Variants in GSDMC observed in about 807,000 individuals in gnomAD.
GSDMC encodes the protein gasdermin C, also known as gasdermin-C.
In GSDMC, 59 loss-of-function variants were observed where a neutral mutation model predicts 58.0. That is an observed-to-expected ratio of 1.02 (90% CI 0.82 to 1.26). The LOEUF (loss-of-function observed/expected upper bound fraction) is 1.26. Ranked by LOEUF, GSDMC falls within the 50% of genes most tolerant of loss-of-function variation. GSDMC has a pLI of 0.00. For synonymous variants in GSDMC, 241 were observed against 220.2 expected (o/e 1.09, Z -0.83); for missense variants, 659 against 598.5 (o/e 1.10, Z -1.06).
At chr8:129,753,404 G>A (rs1195807176) in intron 6 of GSDMC, among the ~76,000 whole-genome samples, 8 of 152,146 alleles carry the variant, frequency 5.3e-5, no homozygotes, top group Admixed American at 2.0e-4. Flanking sequence ...GGTGAAAAGG[G>A]AACCTACTGC....
At chr8:129,722,142 A>C in the GSDMC span, among the ~76,000 whole-genome samples, 1 of 152,214 alleles carries the variant, frequency 6.6e-6, no homozygotes, top group Non-Finnish European at 1.5e-5. Context: ...TTGCAAATTA[A>C]TCTTAAAGAT....
chr8:129,749,976 T>C lies in GSDMC; in HGVS notation c.1213+14A>G, dbSNP rs1306042864. 6.4e-7 allele frequency: 1 copy of C among 1,573,502 alleles called. No homozygotes were observed. Among genetic ancestry groups the C allele is most frequent in the South Asian group, 1.2e-5 (1 of 83,048 alleles). ...TCTTGTGATTCTCCCATTCTTCCCT[T>C]TAATTACTCTTACCCATTATGGCTT... On this transcript the variant is annotated intron_variant, in intron 12 of 13. Transcript: ENST00000276708.
chr8:129,737,372 G>A, the GSDMC span, among the ~76,000 whole-genome samples: 4 of 152,090 alleles, frequency 2.6e-5, no homozygotes, highest in South Asian at 2.1e-4. Flanking sequence ...GAAGCATCAC[G>A]CTACCTGACT....
chr8:129,729,033 G>T, the GSDMC span: 1 of 647,050 alleles, frequency 1.5e-6, no homozygotes, highest in South Asian at 1.5e-5. Context: ...AAGGAAATGT[G>T]CAGAGAATGA....
At chr8:129,772,471 G>A (rs1272077341) in intron 3 of GSDMC, among the ~76,000 whole-genome samples, 1 of 151,978 alleles carries the variant, frequency 6.6e-6, no homozygotes, top group African/African-American at 2.4e-5. Context: ...AAATAAAAAA[G>A]ATCATGAGAG....
At chr8:129,768,877 C>CAAA (rs2033955645) in intron 3 of GSDMC, among the ~76,000 whole-genome samples, 1 of 152,068 alleles carries the variant, frequency 6.6e-6, no homozygotes. Flanking sequence ...TCCAGGAGTT[C>CAAA]AAAACCAGTC....
At chr8:129,774,529 A>C (rs544641656) in intron 3 of GSDMC, among the ~76,000 whole-genome samples, 1 of 98,288 alleles carries the variant, frequency 1.0e-5, no homozygotes, top group Admixed American at 1.1e-4. Context: ...CAACAGCAGC[A>C]AAAAAAAAAA....
the GSDMC span, among the ~76,000 whole-genome samples, chr8:129,736,302 GT>G: frequency 6.6e-6 from 1 of 152,102 alleles, no homozygotes; most frequent in Non-Finnish European, 1.5e-5. Flanking sequence ...GGCCAGCATC[GT>G]TCTGATACCA....
At chr8:129,755,960 G>GA (rs977800984) in intron 6 of GSDMC, among the ~76,000 whole-genome samples, 3 of 149,276 alleles carry the variant, frequency 2.0e-5, no homozygotes, top group African/African-American at 7.4e-5. Flanking sequence ...AAGAAGGCCA[G>GA]AAAACAATAA....
chr8:129,714,034 T>C, the GSDMC span, among the ~76,000 whole-genome samples: 1 of 152,094 alleles, frequency 6.6e-6, no homozygotes, highest in Admixed American at 6.5e-5. Flanking sequence ...CAAACACTAC[T>C]CATCTCAGCT....
chr8:129,755,478 C>T (rs563807736), intron 6 of GSDMC, among the ~76,000 whole-genome samples: 20 of 152,080 alleles, frequency 1.3e-4, no homozygotes, highest in Non-Finnish European at 2.4e-4. Context: ...AAAGGGAGTT[C>T]TTCAGTCTGA....
intron 1 of GSDMC, among the ~76,000 whole-genome samples, chr8:129,780,957 G>A (rs1408208195): frequency 1.3e-5 from 2 of 152,100 alleles, no homozygotes; most frequent in Non-Finnish European, 2.9e-5. Context: ...TGCAATCACT[G>A]TTGTCATCTA....
chr8:129,779,540 T>G (rs1047834123), intron 1 of GSDMC, among the ~76,000 whole-genome samples: 26 of 151,658 alleles, frequency 1.7e-4, no homozygotes, highest in African/African-American at 6.3e-4. Flanking sequence ...ATAAAATAAT[T>G]TATGCAACAA....
downstream of GSDMC, among the ~76,000 whole-genome samples, chr8:129,744,903 T>C (rs2032930477): frequency 6.6e-6 from 1 of 152,218 alleles, no homozygotes; most frequent in Non-Finnish European, 1.5e-5. Context: ...ATATTGGAAG[T>C]CAATATTTTG....
intron 1 of GSDMC, among the ~76,000 whole-genome samples, chr8:129,782,308 G>C (rs985894683): frequency 4.6e-5 from 7 of 151,954 alleles, no homozygotes; most frequent in African/African-American, 1.7e-4. Context: ...TAAAGAACTA[G>C]AAAACCAAGA....
chr8:129,753,486 C>T (rs1041468654), intron 6 of GSDMC, among the ~76,000 whole-genome samples: 5 of 152,184 alleles, frequency 3.3e-5, no homozygotes, highest in African/African-American at 1.2e-4. Flanking sequence ...CCCTAAATAA[C>T]CAGCAGCAGT....
At chr8:129,737,724 G>A in the GSDMC span, among the ~76,000 whole-genome samples, 15 of 152,226 alleles carry the variant, frequency 9.9e-5, no homozygotes, top group South Asian at 3.1e-3. Context: ...AGAAAACCTA[G>A]GCAACACCAT....
downstream of GSDMC, among the ~76,000 whole-genome samples, chr8:129,745,634 G>T (rs1234370758): frequency 2.0e-5 from 3 of 151,634 alleles, no homozygotes; most frequent in Non-Finnish European, 2.9e-5. Context: ...AAATCAATGG[G>T]AAGTGGAACT....
the GSDMC span, among the ~76,000 whole-genome samples, chr8:129,742,654 T>C: frequency 6.6e-6 from 1 of 152,198 alleles, no homozygotes; most frequent in East Asian, 1.9e-4. Flanking sequence ...TCCTCCTTCC[T>C]GTGCCATGCT....
Sources: gnomAD v4.1 joint callset for allele counts (sites outside exome capture counted in the v4.1 genomes callset) on GRCh38, gnomAD v4.1.1 for gene constraint, MANE v1.5 for transcripts, NCBI Gene and HGNC (gene_info 2026-07-23, HGNC 2026-07-21) for gene names.